Variants in DLL3 observed in about 807,000 individuals in gnomAD.
DLL3 encodes delta-like protein 3.
DLL3 carries 49 observed loss-of-function variants against 55.0 expected under a neutral mutation model. The ratio of observed to expected loss-of-function variants is 0.89; its 90% CI spans 0.71 to 1.13. The LOEUF is 1.13. Among genes scored for constraint, DLL3 ranks in the 50% most tolerant of loss-of-function variants. The pLI is 0.00. For synonymous variants in DLL3, 421 were observed against 385.2 expected, an observed-to-expected ratio of 1.09 and a Z score of -1.09; for missense variants, 962 against 875.5, an observed-to-expected ratio of 1.10 and a Z score of -1.25.
intron 3 of DLL3, 85 bp from the exon 4 acceptor site, chr19:39,502,730 C>T (rs188178519): frequency 1.6e-6 from 2 of 1,278,500 alleles, no homozygotes; most frequent in Admixed American, 4.2e-5. Context: ...CTGGGAGGGG[C>T]GGGGAGAATG....
chr19:39,503,070 T>G lies in DLL3; in HGVS notation c.652+13T>G. The G allele has an allele frequency of 6.6e-7, 1 of 1,521,962 alleles. No individual in the cohort carries two copies. Among genetic ancestry groups the G allele is most frequent in the Non-Finnish European group, 8.8e-7 (1 of 1,141,428 alleles). 94.3% of individuals were successfully genotyped at this position (1,521,962 alleles called of 1,614,324 possible). A position where few individuals can be genotyped will look rare whatever the true frequency, so the allele number is the denominator to read the frequency against. On this transcript the variant is annotated intron_variant, in intron 4 of 8. Coordinates refer to ENST00000356433, the MANE Select transcript of DLL3 (RefSeq NM_203486.3). ...TGTGAGGCGCCGCGTGAGTCCTGCG[T>G]TCGACCCCACCCCGTCCCAGCCGGG...
chr19:39,503,996 C>G, intron 4 of DLL3, 75 bp from the exon 5 acceptor site: 1 of 1,472,106 alleles, frequency 6.8e-7, no homozygotes, highest in South Asian at 1.2e-5. Context: ...TCAGAAACCT[C>G]CCTGCTTTCC....
chr19:39,508,391 G>A lies in DLL3; in HGVS notation c.*134G>A. 2.1e-6 allele frequency: 2 copies of A among 950,604 alleles called. No homozygotes were observed. Among genetic ancestry groups the A allele is most frequent in the Non-Finnish European group, 3.4e-6 (2 of 595,190 alleles). The allele number at this position is 950,604 out of a possible 1,614,324, so 58.9% of individuals were successfully genotyped here. On this transcript the variant is annotated 3_prime_UTR_variant, in exon 9 of 9. Coordinates refer to ENST00000356433, the MANE Select transcript of DLL3 (RefSeq NM_203486.3). Reference sequence around the variant, plus strand: ...TGGGGGAACTTTACTGTTGCAAGTTGTAAATAATGGTTATTTATATCCTAT... The same window carrying A: ...TGGGGGAACTTTACTGTTGCAAGTTATAAATAATGGTTATTTATATCCTAT...
chr19:39,501,451 A>T (rs1456554611), intron 3 of DLL3, among the ~76,000 whole-genome samples: 1 of 151,970 alleles, frequency 6.6e-6, no homozygotes, highest in Non-Finnish European at 1.5e-5. Context: ...GTTGCTATGT[A>T]AGGCCCACAG....
intron 5 of DLL3, 65 bp downstream of exon 5, chr19:39,504,353 C>T: frequency 6.4e-7 from 1 of 1,562,982 alleles, no homozygotes. Flanking sequence ...AGCCCTCTCC[C>T]TGGGGCTCCA....
chr19:39,508,401 GTTAT>G lies in DLL3; in HGVS notation c.*149_*152del. On this transcript the variant is annotated 3_prime_UTR_variant, in exon 9 of 9. Transcript: ENST00000356433. ...TTACTGTTGCAAGTTGTAAATAATGGTTATTTATATCCTATTTTTTCTCACCCCA... is the reference window on the plus strand; with the variant it reads ...TTACTGTTGCAAGTTGTAAATAATGGTTATATCCTATTTTTTCTCACCCCA... The G allele has an allele frequency of 1.1e-6, 1 of 884,068 alleles. No individual in the cohort carries two copies. The highest frequency in any genetic ancestry group is 2.5e-5 in the East Asian group (1 of 40,292). 54.8% of individuals were successfully genotyped at this position (884,068 alleles called of 1,614,324 possible).
At chr19:39,501,022 CAG>C (rs1446323671) in intron 3 of DLL3, among the ~76,000 whole-genome samples, 1 of 151,126 alleles carries the variant, frequency 6.6e-6, no homozygotes, top group African/African-American at 2.4e-5. Flanking sequence ...CTTTCCAAGA[CAG>C]AGTCTTGCTC....
Position 39,507,488 on chromosome 19 carries a change from G to A in DLL3, c.1543G>A (p.Val515Met). 1 of 1,593,678 alleles carries A rather than the reference G, an allele frequency of 6.3e-7. No individual in the cohort carries two copies. The highest frequency in any genetic ancestry group is 8.5e-7 in the Non-Finnish European group (1 of 1,171,390). The change falls in exon 7 of 9, where the codon GTG (valine) becomes ATG (methionine). Residue 515 changes from valine (V) to methionine (M), a missense_variant. Coordinates refer to ENST00000356433, the MANE Select transcript of DLL3 (RefSeq NM_203486.3). ...VAGAALLLVH[V>M]RRRGHSQDAG... ...CGGCGCTGCGCTCTTGCTGGTCCAC[G>A]TGCGCCGCCGTGGCCACTCCCAGGA...
At chr19:39,506,984 GGCA>G (rs1186858149) in intron 6 of DLL3, 52 bp from the exon 7 acceptor site, 1 of 1,514,110 alleles carries the variant, frequency 6.6e-7, no homozygotes, top group East Asian at 2.5e-5. Context: ...AAACAGCGCG[GGCA>G]GGTGGGTCCC....
At chr19:39,500,121 C>A (rs1047963551) in intron 2 of DLL3, among the ~76,000 whole-genome samples, 1 of 152,052 alleles carries the variant, frequency 6.6e-6, no homozygotes, top group Admixed American at 6.6e-5. Flanking sequence ...AAAGTGCTTA[C>A]CACGTAGTAA....
rs537303280 is a variant in DLL3, at chr19:39,507,703, T to G, written c.1673+85T>G. ...TGGTGCAGTTGGCCCGATTCCTTGATGCATTTCCCTGGTCGGTCTCTCTTA... is the reference window on the plus strand; with the variant it reads ...TGGTGCAGTTGGCCCGATTCCTTGAGGCATTTCCCTGGTCGGTCTCTCTTA... On this transcript the variant is annotated intron_variant, in intron 7 of 8. Coordinates refer to ENST00000356433, the MANE Select transcript of DLL3 (RefSeq NM_203486.3). The G allele has an allele frequency of 3.8e-6, 6 of 1,592,132 alleles. No homozygotes were observed. In the African/African-American group the frequency reaches 8.0e-5, roughly 21 times the overall value.
intron 8 of DLL3, 28 bp downstream of exon 8, chr19:39,507,942 C>T: frequency 6.2e-7 from 1 of 1,614,160 alleles, no homozygotes; most frequent in Non-Finnish European, 8.5e-7. Context: ...CCCCCCGCTA[C>T]ACACTGGGCG....
chr19:39,506,926 T>G, intron 6 of DLL3, 113 bp from the exon 7 acceptor site: 5 of 1,144,790 alleles, frequency 4.4e-6, no homozygotes, highest in Non-Finnish European at 6.1e-6. Context: ...CGCTGGCCCT[T>G]AAGTTAGAGA....
At chr19:39,502,601 G>A (rs1338668055) in intron 3 of DLL3, among the ~76,000 whole-genome samples, 1 of 152,140 alleles carries the variant, frequency 6.6e-6, no homozygotes, top group Non-Finnish European at 1.5e-5. Flanking sequence ...AAAGGACCAC[G>A]ACATTGCAGG....
rs754576543 is a variant in DLL3, at chr19:39,507,839, A to T, written c.1683A>T (p.Val561=). ...TTCTCTCCTCCCACAGCTCGTCCGTAGATTGGAATCGCCCTGAAGATGTAG... is the reference window on the plus strand; with the variant it reads ...TTCTCTCCTCCCACAGCTCGTCCGTTGATTGGAATCGCCCTGAAGATGTAG... ...EGSGDGPSSS[V]DWNRPEDVDP... is the part of the protein sequence containing the mutation. The change falls in exon 8 of 9, where the codon GTA becomes GTT. Residue 561 remains valine, a synonymous_variant. Coordinates refer to ENST00000356433, the MANE Select transcript of DLL3 (RefSeq NM_203486.3). 1 of 1,614,136 alleles carries T rather than the reference A, an allele frequency of 6.2e-7. No individual in the cohort carries two copies. The highest frequency in any genetic ancestry group is 8.5e-7 in the Non-Finnish European group (1 of 1,180,032).
intron 2 of DLL3, 116 bp downstream of exon 2, chr19:39,499,589 C>A: frequency 7.3e-7 from 1 of 1,364,716 alleles, no homozygotes; most frequent in Non-Finnish European, 1.0e-6. Flanking sequence ...AGGGGGTGGA[C>A]GAAATTCCCA....
intron 8 of DLL3, 159 bp downstream of exon 8, chr19:39,508,073 T>C: frequency 6.2e-7 from 1 of 1,602,364 alleles, no homozygotes. Context: ...ACTTTCATCC[T>C]ATTTTGCATC....
intron 6 of DLL3, 91 bp from the exon 7 acceptor site, chr19:39,506,948 C>T (rs1181909574): frequency 1.5e-6 from 2 of 1,357,606 alleles, no homozygotes; most frequent in African/African-American, 3.0e-5. Flanking sequence ...AAAAAGGGGA[C>T]CCCGTGCAGC....
chr19:39,506,480 C>T (rs1416202734), intron 6 of DLL3, among the ~76,000 whole-genome samples: 1 of 151,726 alleles, frequency 6.6e-6, no homozygotes, highest in African/African-American at 2.4e-5. Context: ...GTGTGTGGTA[C>T]TAGGGACTCA....
Sources: allele counts gnomAD v4.1 joint callset (sites outside exome capture counted in the v4.1 genomes callset), GRCh38; gene constraint gnomAD v4.1.1; transcripts MANE v1.5; gene names NCBI Gene and HGNC (gene_info 2026-07-23, HGNC 2026-07-21).